Variants in SPATA3 observed in about 807,000 individuals in gnomAD.
SPATA3 encodes spermatogenesis-associated protein 3.
In SPATA3, 6 loss-of-function variants were observed where a neutral mutation model predicts 5.7. That is an observed-to-expected ratio of 1.06 (90% confidence interval 0.58 to 2.09). The LOEUF (loss-of-function observed/expected upper bound fraction) is 2.09, where lower values mean the gene tolerates loss of function less well. Ranked by LOEUF, SPATA3 falls within the 30% of genes most tolerant of loss-of-function variation. The pLI, the probability that SPATA3 is intolerant of heterozygous loss-of-function variation, is 0.00. For missense variants in SPATA3, 155 were observed against 130.4 expected, an observed-to-expected ratio of 1.19 and a Z score of -0.92; for synonymous variants, 44 against 48.4, an observed-to-expected ratio of 0.91 and a Z score of 0.37.
chr2:231,007,602 G>A (rs758904019), downstream of SPATA3, among the ~76,000 whole-genome samples: 66 of 152,348 alleles, frequency 4.3e-4, 1 homozygote, highest in Middle Eastern at 6.8e-3. Flanking sequence ...GGAATGTGCC[G>A]GTTCGCCTCC....
downstream of SPATA3, among the ~76,000 whole-genome samples, chr2:231,007,050 G>A (rs962832940): frequency 6.6e-6 from 1 of 152,180 alleles, no homozygotes; most frequent in Non-Finnish European, 1.5e-5. Flanking sequence ...GAAAGAAGGA[G>A]TGGGTGCAAG....
chr2:230,999,415 T>TA (rs546748267), intron 1 of SPATA3, among the ~76,000 whole-genome samples: 13 of 151,480 alleles, frequency 8.6e-5, no homozygotes, highest in African/African-American at 1.9e-4. Context: ...TTTTTGTAAT[T>TA]AAAAAAAAAG....
At chr2:231,009,934 G>A (rs532283983), downstream of SPATA3, among the ~76,000 whole-genome samples, 3 of 152,370 alleles carry the variant, frequency 2.0e-5, no homozygotes, top group African/African-American at 7.2e-5. Context: ...GTGATCACTG[G>A]AGAGGACTAT....
intron 5 of SPATA3, among the ~76,000 whole-genome samples, chr2:231,012,864 A>G (rs1326755929): frequency 1.3e-5 from 2 of 152,184 alleles, no homozygotes; most frequent in Non-Finnish European, 2.9e-5. Flanking sequence ...ATTAACAATG[A>G]ATTTGGTGAA....
At chr2:231,008,386 G>T (rs944907639), downstream of SPATA3, among the ~76,000 whole-genome samples, 4 of 152,200 alleles carry the variant, frequency 2.6e-5, no homozygotes, top group Admixed American at 2.0e-4. Context: ...CTGAATGCCT[G>T]TGAGGCATCC....
At chr2:231,005,408 A>G (rs1692564670), downstream of SPATA3, among the ~76,000 whole-genome samples, 1 of 77,182 alleles carries the variant, frequency 1.3e-5, no homozygotes, top group Non-Finnish European at 2.7e-5. Flanking sequence ...CACCACCACC[A>G]GTATCAGCAT....
At chr2:231,007,918 G>A (rs1055145511), downstream of SPATA3, among the ~76,000 whole-genome samples, 1 of 152,200 alleles carries the variant, frequency 6.6e-6, no homozygotes, top group African/African-American at 2.4e-5. Context: ...GCCAAGACAG[G>A]AGGATGGCTT....
chr2:231,011,511 G>T (rs1341721098), downstream of SPATA3, among the ~76,000 whole-genome samples: 1 of 152,198 alleles, frequency 6.6e-6, no homozygotes, highest in South Asian at 2.1e-4. Context: ...GGTCTGTCCA[G>T]TCCACTGTGC....
At chr2:231,009,178 G>A (rs536310354), downstream of SPATA3, among the ~76,000 whole-genome samples, 38 of 152,340 alleles carry the variant, frequency 2.5e-4, no homozygotes, top group African/African-American at 9.1e-4. Flanking sequence ...AGATGGGAAT[G>A]GACGCTGGGC....
downstream of SPATA3, among the ~76,000 whole-genome samples, chr2:231,006,360 G>A (rs979572380): frequency 2.6e-5 from 4 of 151,204 alleles, no homozygotes; most frequent in African/African-American, 4.9e-5. Context: ...AAAAATAGCC[G>A]GGCGTGGTGG....
intron 1 of SPATA3, among the ~76,000 whole-genome samples, chr2:230,997,306 G>A (rs181131537): frequency 3.3e-5 from 5 of 152,244 alleles, no homozygotes; most frequent in African/African-American, 9.6e-5. Context: ...CTTGTCTGCC[G>A]CCATGTGAGA....
chr2:231,009,857 T>G (rs1692738260), downstream of SPATA3, among the ~76,000 whole-genome samples: 1 of 152,266 alleles, frequency 6.6e-6, no homozygotes, highest in Non-Finnish European at 1.5e-5. Context: ...CATTAAGATT[T>G]GGCTTAGGCC....
At chr2:231,010,845 A>C (rs1239970036), downstream of SPATA3, among the ~76,000 whole-genome samples, 3 of 151,742 alleles carry the variant, frequency 2.0e-5, no homozygotes, top group Non-Finnish European at 4.4e-5. Flanking sequence ...AGGCAGGCAG[A>C]TGACTTGAGC....
intron 6 of SPATA3, among the ~76,000 whole-genome samples, chr2:231,019,376 T>A (rs1055573843): frequency 2.1e-5 from 3 of 144,550 alleles, no homozygotes; most frequent in Non-Finnish European, 4.6e-5. Flanking sequence ...CAGGCTGGAG[T>A]GCAGTGGTGC....
At chr2:231,010,688 A>G (rs1200785220), downstream of SPATA3, among the ~76,000 whole-genome samples, 1 of 152,078 alleles carries the variant, frequency 6.6e-6, no homozygotes, top group Non-Finnish European at 1.5e-5. Flanking sequence ...TGAGGCCTTC[A>G]TTTTGAGGTA....
At chr2:231,013,355 C>T (rs955292687) in intron 5 of SPATA3, among the ~76,000 whole-genome samples, 2 of 152,140 alleles carry the variant, frequency 1.3e-5, no homozygotes, top group Non-Finnish European at 2.9e-5. Flanking sequence ...ATATTTTAAA[C>T]CTAAATCATA....
At chr2:230,999,257 C>T (rs916916403) in intron 1 of SPATA3, among the ~76,000 whole-genome samples, 2 of 152,084 alleles carry the variant, frequency 1.3e-5, no homozygotes, top group South Asian at 2.1e-4. Context: ...AGTAACTGCT[C>T]ATGGAGATGG....
downstream of SPATA3, among the ~76,000 whole-genome samples, chr2:231,003,298 G>T (rs148772412): frequency 6.6e-6 from 1 of 152,136 alleles, no homozygotes; most frequent in Non-Finnish European, 1.5e-5. Flanking sequence ...TGATCCTGTC[G>T]TTTGCCTGTG....
downstream of SPATA3, among the ~76,000 whole-genome samples, chr2:231,005,736 A>G (rs1692601578): frequency 6.6e-6 from 1 of 151,998 alleles, no homozygotes; most frequent in African/African-American, 2.4e-5. Context: ...CTTTACAACC[A>G]TCACCCTTGG....
Sources: gnomAD v4.1 joint callset for allele counts (sites outside exome capture counted in the v4.1 genomes callset) on GRCh38, gnomAD v4.1.1 for gene constraint, MANE v1.5 for transcripts, NCBI Gene and HGNC (gene_info 2026-07-23, HGNC 2026-07-21) for gene names.